The following CSNK1G3 variants were observed in gnomAD, a reference collection of about 807,000 sequenced individuals.
The protein encoded by CSNK1G3 is casein kinase I isoform gamma-3.
A neutral mutation model predicts 64.3 loss-of-function variants in CSNK1G3; 23 were observed. The observed-to-expected ratio is 0.36, with a 90% confidence interval of 0.26 to 0.51. The LOEUF (loss-of-function observed/expected upper bound fraction) is 0.51, where lower values mean the gene tolerates loss of function less well. CSNK1G3 is among the 20% of genes least tolerant of loss of function. The pLI, the probability that CSNK1G3 is intolerant of heterozygous loss-of-function variation, is 0.96. For synonymous variants in CSNK1G3, 158 were observed against 162.2 expected, an observed-to-expected ratio of 0.97 and a Z score of 0.20; for missense variants, 357 against 510.5, an observed-to-expected ratio of 0.70 and a Z score of 2.90.
intron 10 of CSNK1G3, among the ~76,000 whole-genome samples, chr5:123,599,539 G>A (rs915599075): frequency 1.3e-5 from 2 of 152,078 alleles, no homozygotes; most frequent in African/African-American, 2.4e-5. Context: ...ATAATAAAAC[G>A]TGATTAAAAG....
At chr5:123,544,776 T>C (rs1488634618) in intron 1 of CSNK1G3, among the ~76,000 whole-genome samples, 1 of 152,196 alleles carries the variant, frequency 6.6e-6, no homozygotes, top group Non-Finnish European at 1.5e-5. Flanking sequence ...TTGATGCCTG[T>C]CAACATTTCA....
At chr5:123,594,979 T>C in intron 10 of CSNK1G3, 60 bp from the exon 11 acceptor site, 1 of 1,407,626 alleles carries the variant, frequency 7.1e-7, no homozygotes, top group Non-Finnish European at 1.0e-6. Context: ...GAGGATAAAA[T>C]GTTTAACATA....
At chr5:123,577,806 T>C (rs1789479141) in intron 6 of CSNK1G3, among the ~76,000 whole-genome samples, 1 of 151,956 alleles carries the variant, frequency 6.6e-6, no homozygotes, top group South Asian at 2.1e-4. Flanking sequence ...ATGTGCATAC[T>C]ATGTAACCCA....
chr5:123,530,100 AT>A (rs1779688569), intron 1 of CSNK1G3, among the ~76,000 whole-genome samples: 1 of 152,044 alleles, frequency 6.6e-6, no homozygotes, highest in South Asian at 2.1e-4. Context: ...AAAAAAAAAA[AT>A]CATAAATTAA....
chr5:123,568,945 A>G (rs766492372), intron 4 of CSNK1G3, among the ~76,000 whole-genome samples: 1 of 152,262 alleles, frequency 6.6e-6, no homozygotes, highest in African/African-American at 2.4e-5. Flanking sequence ...AGAAACATGC[A>G]TTAAAATGAT....
chr5:123,584,888 T>G (rs1034288033), intron 6 of CSNK1G3, among the ~76,000 whole-genome samples: 2 of 152,212 alleles, frequency 1.3e-5, no homozygotes, highest in Non-Finnish European at 2.9e-5. Context: ...TTTATCATTC[T>G]TTTAATATCT....
intron 1 of CSNK1G3, among the ~76,000 whole-genome samples, chr5:123,535,165 C>G (rs1438748310): frequency 6.6e-6 from 1 of 152,152 alleles, no homozygotes; most frequent in Non-Finnish European, 1.5e-5. Context: ...AAGAGCACCA[C>G]ATATGGTCTC....
chr5:123,591,543 T>C, intron 10 of CSNK1G3, 129 bp downstream of exon 10: 1 of 549,286 alleles, frequency 1.8e-6, no homozygotes, highest in Non-Finnish European at 3.2e-6. Flanking sequence ...TTTCTCTTAA[T>C]TTCACTGTTT....
chr5:123,543,342 T>C (rs1237096097), intron 1 of CSNK1G3, among the ~76,000 whole-genome samples: 1 of 152,078 alleles, frequency 6.6e-6, no homozygotes, highest in Admixed American at 6.6e-5. Context: ...ATTAGTGAGG[T>C]TCTTCTGCTA....
At chr5:123,571,393 C>T (rs1036473973) in intron 4 of CSNK1G3, among the ~76,000 whole-genome samples, 1 of 152,112 alleles carries the variant, frequency 6.6e-6, no homozygotes, top group African/African-American at 2.4e-5. Flanking sequence ...AAGTGATTCT[C>T]CTACCTCAGC....
At chr5:123,519,090 G>A (rs1777658002) in intron 1 of CSNK1G3, among the ~76,000 whole-genome samples, 1 of 151,738 alleles carries the variant, frequency 6.6e-6, no homozygotes, top group African/African-American at 2.4e-5. Context: ...TTTTACTCTT[G>A]TTTCCCAGGC....
At position 123,513,889 on chromosome 5, in the gene CSNK1G3, C is replaced by CT. The variant is rs777825446; in HGVS notation, c.-248+1328dup. 3.4e-3 allele frequency among the ~76,000 whole-genome samples: 507 copies of CT among 151,260 alleles called. 7 individuals are homozygous for CT. The highest frequency in any genetic ancestry group is 0.011 in the African/African-American group (448 of 41,278). Reference sequence around the variant, plus strand: ...TCTGGTGTGTGACATTAATAGCTTTCTTTTTTTTTGAGCTGTACTTAGTGT... The same window carrying CT: ...TCTGGTGTGTGACATTAATAGCTTTCTTTTTTTTTTGAGCTGTACTTAGTGT... On this transcript the variant is annotated intron_variant, in intron 1 of 12. Transcript: ENST00000345990.
intron 1 of CSNK1G3, among the ~76,000 whole-genome samples, chr5:123,518,602 C>T (rs1393850127): frequency 6.6e-6 from 1 of 152,196 alleles, no homozygotes; most frequent in Non-Finnish European, 1.5e-5. Flanking sequence ...AGCCTACCAA[C>T]ATATTTTTCT....
chr5:123,521,868 A>G (rs1414546001), intron 1 of CSNK1G3, among the ~76,000 whole-genome samples: 1 of 152,160 alleles, frequency 6.6e-6, no homozygotes, highest in Non-Finnish European at 1.5e-5. Flanking sequence ...CTTAAAAAAA[A>G]AAGACAGATG....
chr5:123,531,062 T>C (rs1280669042), intron 1 of CSNK1G3, among the ~76,000 whole-genome samples: 1 of 152,122 alleles, frequency 6.6e-6, no homozygotes, highest in African/African-American at 2.4e-5. Flanking sequence ...GAATAAAGCA[T>C]TTGAAACACT....
intron 8 of CSNK1G3, among the ~76,000 whole-genome samples, chr5:123,589,882 T>G (rs1395235586): frequency 6.6e-6 from 1 of 152,162 alleles, no homozygotes; most frequent in Non-Finnish European, 1.5e-5. Context: ...TTAGCTTTCC[T>G]TTGTTAGCTT....
Position 123,588,163 on chromosome 5 carries a change from T to C in CSNK1G3, c.759+10T>C. ...TTGGCAAGGCTTAAAGGTAATTGTTTTTGTGTTTCTTTATTGAATTTCATA... is the reference window on the plus strand; with the variant it reads ...TTGGCAAGGCTTAAAGGTAATTGTTCTTGTGTTTCTTTATTGAATTTCATA... On this transcript the variant is annotated intron_variant, in intron 7 of 12. Transcript: ENST00000345990. 6.5e-7 allele frequency: 1 copy of C among 1,549,912 alleles called. No homozygotes were observed. The highest frequency in any genetic ancestry group is 1.1e-5 in the South Asian group (1 of 88,876).
intron 1 of CSNK1G3, among the ~76,000 whole-genome samples, chr5:123,520,472 A>G (rs1278559302): frequency 6.7e-6 from 1 of 149,814 alleles, no homozygotes; most frequent in Non-Finnish European, 1.5e-5. Context: ...CAGAAAAAAC[A>G]GTAATTTTTT....
chr5:123,536,755 A>G (rs567087117), intron 1 of CSNK1G3, among the ~76,000 whole-genome samples: 5 of 152,252 alleles, frequency 3.3e-5, no homozygotes, highest in African/African-American at 1.2e-4. Context: ...AGAAGAAGAA[A>G]TAATCCTATT....
Sources: gnomAD v4.1 joint callset for allele counts (sites outside exome capture counted in the v4.1 genomes callset) on GRCh38, gnomAD v4.1.1 for gene constraint, MANE v1.5 for transcripts, NCBI Gene and HGNC (gene_info 2026-07-23, HGNC 2026-07-21) for gene names.